NLRP12: variants seen among roughly 807,000 people sequenced by gnomAD.
NLRP12 encodes the protein NLR family pyrin domain containing 12.
NLRP12 carries 108 observed loss-of-function variants against 91.2 expected under a neutral mutation model. That is an observed-to-expected ratio of 1.18 (90% CI 1.01 to 1.39). NLRP12 has a LOEUF of 1.39. Ranked by LOEUF, NLRP12 falls within the 40% of genes most tolerant of loss-of-function variation. The pLI, the probability that NLRP12 is intolerant of heterozygous loss-of-function variation, is 0.00. For synonymous variants in NLRP12, 613 were observed against 566.7 expected (o/e 1.08, Z -1.16); for missense variants, 1,530 against 1,352.7 (o/e 1.13, Z -2.06).
chr19:53,819,455 ATATGTG>A (rs1156634382), intron 1 of NLRP12, among the ~76,000 whole-genome samples: 2 of 5,408 alleles, frequency 3.7e-4, no homozygotes, highest in African/African-American at 1.3e-3. Flanking sequence ...ATATATATAT[ATATGTG>A]TGTGTGTGTG....
chr19:53,812,951 G>A (rs1439059863), intron 2 of NLRP12, among the ~76,000 whole-genome samples: 3 of 150,098 alleles, frequency 2.0e-5, no homozygotes, highest in Non-Finnish European at 4.4e-5. Flanking sequence ...CATGATCTAG[G>A]CTCACTGCAA....
chr19:53,815,084 C>G, intron 1 of NLRP12, 96 bp from the exon 2 acceptor site: 1 of 906,588 alleles, frequency 1.1e-6, no homozygotes, highest in Non-Finnish European at 1.8e-6. Context: ...TGCATAACTC[C>G]CTGGTCACCC....
At chr19:53,800,707 C>T (rs551515110) in intron 7 of NLRP12, among the ~76,000 whole-genome samples, 5 of 151,916 alleles carry the variant, frequency 3.3e-5, no homozygotes, top group African/African-American at 7.2e-5. Context: ...CTCAGCCTCG[C>T]GAGTAGCTGG....
At chr19:53,809,534 A>AAAAAAAAC in intron 3 of NLRP12, 53 bp downstream of exon 3, 1 of 1,436,788 alleles carries the variant, frequency 7.0e-7, no homozygotes, top group Non-Finnish European at 9.3e-7. Context: ...AAAAAAAAAA[A>AAAAAAAAC]AAAAAAACAC....
At chr19:53,816,240 G>A (rs1340959269) in intron 1 of NLRP12, among the ~76,000 whole-genome samples, 1 of 152,030 alleles carries the variant, frequency 6.6e-6, no homozygotes, top group Non-Finnish European at 1.5e-5. Flanking sequence ...TGAGCCAGCG[G>A]CACCCCATCT....
Position 53,819,628 on chromosome 19 carries a change from C to T in NLRP12, c.289+4258G>A, listed in dbSNP as rs373196356. ...ATATATGTATGTATACGTATATACG[C>T]GTATATATGTATGTATACGTATATA... On this transcript the variant is annotated intron_variant, in intron 1 of 9. Transcript: ENST00000324134. Among the ~76,000 whole-genome samples, 4 of 26,362 alleles carry T rather than the reference C, an allele frequency of 1.5e-4. 2 individuals carry two copies. Among genetic ancestry groups the T allele is most frequent in the South Asian group, 2.0e-3 (2 of 1,004 alleles). The allele number at this position is 26,362 out of a possible 152,430, so 17.3% of individuals were successfully genotyped here. A position where few individuals can be genotyped will look rare whatever the true frequency, so the allele number is the denominator to read the frequency against.
At chr19:53,822,160 A>T (rs1434949247) in intron 1 of NLRP12, among the ~76,000 whole-genome samples, 1 of 152,096 alleles carries the variant, frequency 6.6e-6, no homozygotes, top group Non-Finnish European at 1.5e-5. Context: ...GCATGATAGG[A>T]TCAATCTTAC....
chr19:53,795,822 C>T, intron 9 of NLRP12, 37 bp downstream of exon 9: 3 of 1,605,082 alleles, frequency 1.9e-6, no homozygotes, highest in Non-Finnish European at 2.6e-6. Flanking sequence ...GCCCAATGTC[C>T]AGCCTCCTCC....
At position 53,807,675 on chromosome 19, in the gene NLRP12, G is replaced by A. The variant is rs1369573607; in HGVS notation, c.2073-10C>T. ...AACGGTCCTCTCTGGTCTGCTTGAA[G>A]GAAAGACAGGCCACTCTCTGGTGTT... is the stretch of plus-strand genomic sequence containing the variant. On this transcript the variant is annotated splice_polypyrimidine_tract_variant and intron_variant, in intron 3 of 9. Transcript: ENST00000324134. 3 of 1,613,976 alleles carry A rather than the reference G, an allele frequency of 1.9e-6. No homozygotes were observed. In the Admixed American group the frequency reaches 5.0e-5, roughly 27 times the overall value.
intron 9 of NLRP12, among the ~76,000 whole-genome samples, chr19:53,795,105 TG>T: frequency 1.5e-5 from 1 of 65,928 alleles, no homozygotes; most frequent in African/African-American, 8.7e-5. Flanking sequence ...ACCTGGTGTG[TG>T]CGTGTGTGTG....
Position 53,804,002 on chromosome 19 carries a change from C to A in NLRP12, c.2535G>T (p.Arg845Ser), listed in dbSNP as rs780537274. Reference protein sequence around the residue: ...TGNALEDLGLRLLCQGLRHPV... With the variant: ...TGNALEDLGLSLLCQGLRHPV... ...GGTGCCTCAGTCCCTGGCATAGTAA[C>A]CTCAGGCCCAAATCCTCCAGTGCAT... is the stretch of plus-strand genomic sequence containing the variant. The change falls in exon 6 of 10, where the codon AGG (arginine) becomes AGT (serine). Residue 845 changes from arginine (R) to serine (S), a missense_variant. Coordinates refer to ENST00000324134, the MANE Select transcript of NLRP12 (RefSeq NM_144687.4). 2.5e-6 allele frequency: 4 copies of A among 1,614,124 alleles called. No individual in the cohort carries two copies. The highest frequency in any genetic ancestry group is 3.4e-6 in the Non-Finnish European group (4 of 1,180,026).
intron 6 of NLRP12, among the ~76,000 whole-genome samples, 159 bp from the exon 7 acceptor site, chr19:53,801,556 G>A (rs1328305222): frequency 2.7e-5 from 4 of 147,438 alleles, no homozygotes; most frequent in Admixed American, 2.1e-4. Context: ...ATGTTCAAGC[G>A]ATTCTCCTGC....
Position 53,809,605 on chromosome 19 carries a change from T to G in NLRP12, c.2054A>C (p.His685Pro), listed in dbSNP as rs749974149. ...TACTTACAGCTGCACCAACAGCGTG[T>G]GCGCTCCTGCGGAGCACCTCGCGCG... Reference protein sequence around the residue: ...EDRARCSAGAHTLLVQLPERT... With the variant: ...EDRARCSAGAPTLLVQLPERT... The change falls in exon 3 of 10, where the codon CAC (histidine) becomes CCC (proline). Residue 685 changes from histidine to proline, a missense_variant. By Grantham distance (77) the His-to-Pro change is moderately conservative (BLOSUM62 -2). Coordinates refer to ENST00000324134, the MANE Select transcript of NLRP12 (RefSeq NM_144687.4). 1 of 1,611,600 alleles carries G rather than the reference T, an allele frequency of 6.2e-7. No individual in the cohort carries two copies.
chr19:53,800,768 G>C (rs867118768), intron 7 of NLRP12, among the ~76,000 whole-genome samples: 1 of 152,070 alleles, frequency 6.6e-6, no homozygotes, highest in Admixed American at 6.6e-5. Flanking sequence ...TTTTAGTACA[G>C]ATGGGGTGTT....
Position 53,814,980 on chromosome 19 carries a change from G to C in NLRP12, c.298C>G (p.Pro100Ala), listed in dbSNP as rs200813801. The stretch of plus-strand genomic sequence containing the variant: ...TTCCCAAGTGAGGACGGGCCACCAG[G>C]TGGGGTATCTGGAAGAGAAATTGTG... ...QREDLVRDTP[P>A]GGPSSLGNQS... The change falls in exon 2 of 10, where the codon CCT (proline) becomes GCT (alanine). Residue 100 changes from proline (P) to alanine (A), a missense_variant. Physicochemically the swap from Pro to Ala is conservative, Grantham distance 27. Coordinates refer to ENST00000324134, the MANE Select transcript of NLRP12 (RefSeq NM_144687.4). 3.1e-6 allele frequency: 5 copies of C among 1,613,658 alleles called. No individual in the cohort carries two copies. In the South Asian group the frequency reaches 5.5e-5, roughly 18 times the overall value.
At chr19:53,795,509 G>T (rs11882611) in intron 9 of NLRP12, among the ~76,000 whole-genome samples, 52,228 of 150,872 alleles carry the variant, frequency 0.35, 9,447 homozygotes, top group African/African-American at 0.45. Flanking sequence ...TGAGTAGCTG[G>T]GACTACAGGC....
intron 6 of NLRP12, 87 bp downstream of exon 6, chr19:53,803,865 C>A: frequency 7.3e-7 from 1 of 1,363,548 alleles, no homozygotes; most frequent in African/African-American, 1.4e-5. Context: ...TGAGCCACTG[C>A]GCCCGACCTG....
intron 9 of NLRP12, among the ~76,000 whole-genome samples, chr19:53,794,558 G>A (rs974579694): frequency 6.4e-5 from 3 of 47,178 alleles, no homozygotes; most frequent in Non-Finnish European, 1.4e-4. Context: ...CTAACCTCGT[G>A]ATCCGCCCAC....
chr19:53,822,957 A>C (rs189605067), intron 1 of NLRP12, among the ~76,000 whole-genome samples: 1 of 151,520 alleles, frequency 6.6e-6, no homozygotes, highest in African/African-American at 2.4e-5. Flanking sequence ...TAGTAGAGAC[A>C]GGGTTTTGCT....
Sources: gnomAD v4.1 joint callset for allele counts (sites outside exome capture counted in the v4.1 genomes callset) on GRCh38, gnomAD v4.1.1 for gene constraint, MANE v1.5 for transcripts, NCBI Gene and HGNC (gene_info 2026-07-23, HGNC 2026-07-21) for gene names.